ADAMTS19: variants seen among roughly 807,000 people sequenced by gnomAD.
The protein encoded by ADAMTS19 is A disintegrin and metalloproteinase with thrombospondin motifs 19.
Under a neutral mutation model 153.3 loss-of-function variants are expected in ADAMTS19, and 93 were observed. That is an observed-to-expected ratio of 0.61 (90% CI 0.51 to 0.72). The LOEUF is 0.72. Ranked by LOEUF, ADAMTS19 falls within the 30% of genes least tolerant of loss-of-function variation. ADAMTS19 has a pLI of 0.00. For synonymous variants in ADAMTS19, 600 were observed against 556.6 expected (o/e 1.08, Z -1.10); for missense variants, 1,482 against 1,552.1 (o/e 0.95, Z 0.76).
At chr5:129,479,451 A>G (rs1322666643) in intron 2 of ADAMTS19, among the ~76,000 whole-genome samples, 1 of 152,178 alleles carries the variant, frequency 6.6e-6, no homozygotes, top group Non-Finnish European at 1.5e-5. Context: ...GCAGTCCAAT[A>G]TCATCAGTAC....
chr5:129,626,359 C>T (rs1024301294), intron 10 of ADAMTS19, among the ~76,000 whole-genome samples: 5 of 152,070 alleles, frequency 3.3e-5, no homozygotes, highest in African/African-American at 9.7e-5. Context: ...ATTCATTTTG[C>T]TAAACTATTT....
In ADAMTS19 at chr5:129,461,245, CGG is replaced by C; in HGVS notation, c.237_238del (p.Gln81GlyfsTer37). Reference protein sequence around the residue: ...VRGVGGGGSARAQAAGSSREV... With the variant: ...VRGVGGGGSAXAQAAGSSREV... Reference sequence around the variant, plus strand: ...CGGCGTTGGGGGCGGCGGAAGCGCCCGGGCGCAGGCTGCCGGCAGCTCACGCG... The same window carrying C: ...CGGCGTTGGGGGCGGCGGAAGCGCCCGCGCAGGCTGCCGGCAGCTCACGCG... On this transcript the variant is annotated frameshift_variant, in exon 2 of 23. Transcript: ENST00000274487. LOFTEE classifies it high-confidence loss of function. The surrounding 1 kb of genome is among the most constrained non-coding windows in gnomAD (Gnocchi z 4.6). The C allele has an allele frequency of 7.9e-7, 1 of 1,263,028 alleles. No homozygotes were observed. Among genetic ancestry groups the C allele is most frequent in the Admixed American group, 4.2e-5 (1 of 23,542 alleles). The allele number at this position is 1,263,028 out of a possible 1,614,324, so 78.2% of individuals were successfully genotyped here.
At chr5:129,563,092 C>T (rs1753581580) in intron 7 of ADAMTS19, among the ~76,000 whole-genome samples, 1 of 152,184 alleles carries the variant, frequency 6.6e-6, no homozygotes, top group South Asian at 2.1e-4. Context: ...AGACCCTTCC[C>T]TTTCCAAACA....
At chr5:129,697,520 A>G (rs760270954) in intron 19 of ADAMTS19, among the ~76,000 whole-genome samples, 30 of 152,354 alleles carry the variant, frequency 2.0e-4, no homozygotes, top group Non-Finnish European at 3.4e-4. Context: ...AAAGTAATGG[A>G]CATATCTTCA....
intron 7 of ADAMTS19, among the ~76,000 whole-genome samples, chr5:129,553,724 A>C (rs189345596): frequency 6.6e-6 from 1 of 152,196 alleles, no homozygotes; most frequent in Non-Finnish European, 1.5e-5. Flanking sequence ...TATAGATGGG[A>C]TCTTTCCCTA....
chr5:129,694,876 C>A, intron 19 of ADAMTS19, 21 bp downstream of exon 19: 1 of 1,529,158 alleles, frequency 6.5e-7, no homozygotes, highest in South Asian at 1.3e-5. Context: ...TCCAAGGGCC[C>A]TTAAAGCATT....
chr5:129,735,747 A>C (rs1387964035), intron 22 of ADAMTS19, among the ~76,000 whole-genome samples: 1 of 152,062 alleles, frequency 6.6e-6, no homozygotes, highest in Non-Finnish European at 1.5e-5. Flanking sequence ...ATTGAGAATT[A>C]GACTACATAT....
intron 2 of ADAMTS19, among the ~76,000 whole-genome samples, chr5:129,477,825 G>C (rs2126664038): frequency 6.6e-6 from 1 of 152,232 alleles, no homozygotes; most frequent in South Asian, 2.1e-4. Flanking sequence ...AAATACATCA[G>C]ACTCTATACT....
chr5:129,558,739 A>G (rs1753399731), intron 7 of ADAMTS19, among the ~76,000 whole-genome samples: 1 of 152,144 alleles, frequency 6.6e-6, no homozygotes, highest in African/African-American at 2.4e-5. Context: ...GCTATCAGAT[A>G]CCAAGATATA....
chr5:129,477,359 G>A (rs1750259101), intron 2 of ADAMTS19, among the ~76,000 whole-genome samples: 1 of 152,100 alleles, frequency 6.6e-6, no homozygotes, highest in Non-Finnish European at 1.5e-5. Flanking sequence ...TTCAATTTCT[G>A]TAGTTCCTTC....
At chr5:129,592,879 G>C (rs945489982) in intron 7 of ADAMTS19, among the ~76,000 whole-genome samples, 1 of 152,106 alleles carries the variant, frequency 6.6e-6, no homozygotes, top group Non-Finnish European at 1.5e-5. Flanking sequence ...ATGATGGTAT[G>C]ATATTTTTGA....
chr5:129,663,474 A>G (rs1319244316), intron 15 of ADAMTS19, among the ~76,000 whole-genome samples: 1 of 152,210 alleles, frequency 6.6e-6, no homozygotes, highest in Non-Finnish European at 1.5e-5. Flanking sequence ...TATTACCAAA[A>G]CTAGATGATT....
intron 7 of ADAMTS19, among the ~76,000 whole-genome samples, chr5:129,553,305 A>G (rs1753198051): frequency 6.6e-6 from 1 of 152,122 alleles, no homozygotes; most frequent in South Asian, 2.1e-4. Flanking sequence ...GTAAGCAGCT[A>G]CTAATAAGAA....
intron 21 of ADAMTS19, among the ~76,000 whole-genome samples, chr5:129,710,415 T>A (rs1344059064): frequency 6.6e-6 from 1 of 152,198 alleles, no homozygotes; most frequent in Non-Finnish European, 1.5e-5. Context: ...CTATTGTGAA[T>A]AGTGCTGAAA....
Position 129,461,433 on chromosome 5 carries a change from C to A in ADAMTS19, c.423C>A (p.Gly141=), listed in dbSNP as rs1341039059. 51 of 1,402,152 alleles carry A rather than the reference C, an allele frequency of 3.6e-5. No individual in the cohort carries two copies. Among genetic ancestry groups the A allele is most frequent in the Non-Finnish European group, 4.4e-5 (48 of 1,091,030 alleles). The allele number at this position is 1,402,152 out of a possible 1,614,324, so 86.9% of individuals were successfully genotyped here. Reference sequence around the variant, plus strand: ...GCGGGGCTGCCGCCTTGTCCCCGGGCGCCCCGGCCTCGTGGCAGCCGCCGC... The same window carrying A: ...GCGGGGCTGCCGCCTTGTCCCCGGGAGCCCCGGCCTCGTGGCAGCCGCCGC... The part of the protein sequence containing the change: ...GSSGAAALSP[G]APASWQPPPP... Residue 141 remains glycine, a synonymous_variant, in exon 2 of 23, where the codon GGC becomes GGA. Coordinates refer to ENST00000274487, the MANE Select transcript of ADAMTS19 (RefSeq NM_133638.6). This position sits in a 1 kb window ranked among gnomAD's most constrained non-coding sequence, Gnocchi z 4.6.
chr5:129,675,635 T>A (rs1754518165), intron 16 of ADAMTS19, among the ~76,000 whole-genome samples: 1 of 152,190 alleles, frequency 6.6e-6, no homozygotes, highest in African/African-American at 2.4e-5. Flanking sequence ...ATTTTACATA[T>A]TTTATTCTGT....
At chr5:129,647,559 C>T (rs987339606) in intron 11 of ADAMTS19, among the ~76,000 whole-genome samples, 1 of 152,124 alleles carries the variant, frequency 6.6e-6, no homozygotes, top group Non-Finnish European at 1.5e-5. Flanking sequence ...GCACTGCTTT[C>T]CCAACAAGAC....
chr5:129,658,365 GAA>G (rs1401802182), intron 14 of ADAMTS19, among the ~76,000 whole-genome samples: 55 of 150,410 alleles, frequency 3.7e-4, no homozygotes, highest in African/African-American at 9.6e-4. Flanking sequence ...AAGAAAGAAA[GAA>G]AGAGAGAGAG....
chr5:129,466,171 ACTCTC>A (rs1749849927), intron 2 of ADAMTS19, among the ~76,000 whole-genome samples: 1 of 152,190 alleles, frequency 6.6e-6, no homozygotes, highest in Non-Finnish European at 1.5e-5. Flanking sequence ...AATAGTCTCT[ACTCTC>A]AAAAGATGAG....
Sources: gnomAD v4.1 joint callset for allele counts (sites outside exome capture counted in the v4.1 genomes callset) on GRCh38, gnomAD v4.1.1 for gene constraint, Gnocchi (gnomAD v3.1) non-coding constraint, MANE v1.5 for transcripts, NCBI Gene and HGNC (gene_info 2026-07-23, HGNC 2026-07-21) for gene names.